GABRA1: variants seen among roughly 807,000 people sequenced by gnomAD.
GABRA1 encodes gamma-aminobutyric acid receptor subunit alpha-1.
GABRA1 carries 9 observed loss-of-function variants against 48.9 expected under a neutral mutation model. That is an observed-to-expected ratio of 0.18 (90% CI 0.11 to 0.32). GABRA1 has a LOEUF of 0.32. GABRA1 is among the 10% of genes least tolerant of loss of function. The pLI, the probability that GABRA1 is intolerant of heterozygous loss-of-function variation, is 1.00. For synonymous variants in GABRA1, 210 were observed against 198.7 expected, an observed-to-expected ratio of 1.06 and a Z score of -0.48; for missense variants, 285 against 553.8, an observed-to-expected ratio of 0.51 and a Z score of 4.87.
chr5:161,859,978 T>C (rs1237499515), intron 3 of GABRA1, among the ~76,000 whole-genome samples: 1 of 151,848 alleles, frequency 6.6e-6, no homozygotes, highest in Non-Finnish European at 1.5e-5. Context: ...GTTTTCTCTG[T>C]GGCTTTTAAT....
chr5:161,874,088 T>C (rs1380325495), intron 5 of GABRA1, among the ~76,000 whole-genome samples: 1 of 151,852 alleles, frequency 6.6e-6, no homozygotes, highest in Non-Finnish European at 1.5e-5. Context: ...AGATGACTTG[T>C]TAGATACGAG....
intron 6 of GABRA1, among the ~76,000 whole-genome samples, chr5:161,881,514 T>C (rs1314167515): frequency 6.6e-6 from 1 of 152,158 alleles, no homozygotes; most frequent in African/African-American, 2.4e-5. Context: ...AGTGATAGAA[T>C]GTAACTCATC....
chr5:161,881,540 T>A (rs987964854), intron 6 of GABRA1, among the ~76,000 whole-genome samples: 2 of 152,158 alleles, frequency 1.3e-5, no homozygotes, highest in Admixed American at 6.6e-5. Context: ...GGAAAATATC[T>A]ATAAGAAGGA....
intron 6 of GABRA1, among the ~76,000 whole-genome samples, chr5:161,878,618 T>A (rs1377951531): frequency 6.6e-6 from 1 of 152,174 alleles, no homozygotes; most frequent in Non-Finnish European, 1.5e-5. Context: ...TCTATTAGAT[T>A]CTGATTGTTA....
chr5:161,851,194 T>C (rs1757433958), intron 2 of GABRA1, among the ~76,000 whole-genome samples: 1 of 152,114 alleles, frequency 6.6e-6, no homozygotes, highest in Non-Finnish European at 1.5e-5. Context: ...ATAGAAAAAG[T>C]TACCCCAATT....
intron 6 of GABRA1, chr5:161,882,154 C>G (rs562533041): frequency 4.6e-4 from 125 of 270,676 alleles, no homozygotes; most frequent in South Asian, 1.1e-3. Flanking sequence ...AGTCTCCATC[C>G]CTTCATTCTC....
chr5:161,889,757 T>C (rs1190457428), intron 7 of GABRA1, among the ~76,000 whole-genome samples: 5 of 152,040 alleles, frequency 3.3e-5, no homozygotes, highest in Admixed American at 3.3e-4. Flanking sequence ...TACTGGCCTC[T>C]AGTAAGTAGA....
At chr5:161,849,754 T>C (rs1382546898) in intron 1 of GABRA1, among the ~76,000 whole-genome samples, 1 of 152,228 alleles carries the variant, frequency 6.6e-6, no homozygotes, top group Non-Finnish European at 1.5e-5. Context: ...CTGGAATTAA[T>C]TACAGCACAT....
intron 6 of GABRA1, among the ~76,000 whole-genome samples, chr5:161,877,859 C>G (rs1754430051): frequency 6.6e-6 from 1 of 152,118 alleles, no homozygotes; most frequent in Non-Finnish European, 1.5e-5. Flanking sequence ...TCCCTTGGTT[C>G]TTAGCATGGC....
At chr5:161,863,195 A>T (rs1197929751) in intron 3 of GABRA1, among the ~76,000 whole-genome samples, 1 of 151,898 alleles carries the variant, frequency 6.6e-6, no homozygotes, top group Non-Finnish European at 1.5e-5. Context: ...TGTATATGTA[A>T]AAGTGAGGAT....
chr5:161,883,544 A>C (rs1581207967), intron 7 of GABRA1, among the ~76,000 whole-genome samples: 1 of 152,302 alleles, frequency 6.6e-6, no homozygotes, highest in African/African-American at 2.4e-5. Context: ...AGAAAAATAC[A>C]TGCCCCACAA....
chr5:161,869,946 A>G (rs1754034928), intron 4 of GABRA1, among the ~76,000 whole-genome samples: 1 of 152,158 alleles, frequency 6.6e-6, no homozygotes, highest in Non-Finnish European at 1.5e-5. Context: ...TCTAAAGAGA[A>G]ACACATTTTC....
chr5:161,849,445 C>T (rs541853557), intron 1 of GABRA1, among the ~76,000 whole-genome samples: 1 of 152,036 alleles, frequency 6.6e-6, no homozygotes. Context: ...GTTTCAAAAC[C>T]AGTCACTAAA....
At chr5:161,853,319 T>C (rs1026480481) in intron 2 of GABRA1, among the ~76,000 whole-genome samples, 15 of 151,808 alleles carry the variant, frequency 9.9e-5, no homozygotes, top group Non-Finnish European at 1.5e-5. Context: ...ACTAGCAACG[T>C]TTAAATATAA....
At chr5:161,881,079 G>T (rs1418887384) in intron 6 of GABRA1, among the ~76,000 whole-genome samples, 1 of 152,116 alleles carries the variant, frequency 6.6e-6, no homozygotes, top group Non-Finnish European at 1.5e-5. Context: ...GATTTCAAAA[G>T]AAATTAAAAT....
chr5:161,848,361 C>G lies in GABRA1; in HGVS notation c.-77C>G, dbSNP rs1005461932. The G allele has an allele frequency of 6.6e-6, 1 of 152,534 alleles. No individual in the cohort carries two copies. The highest frequency in any genetic ancestry group is 2.1e-4 in the South Asian group (1 of 4,854). 9.4% of individuals were successfully genotyped at this position (152,534 alleles called of 1,614,324 possible). A position where few individuals can be genotyped will look rare whatever the true frequency, so the allele number is the denominator to read the frequency against. Reference sequence around the variant, plus strand: ...ACTCGCGCTGGCTCCAGTCTCTCCACGATTCTCTCTCCCAGACTTTTCCCC... The same window carrying G: ...ACTCGCGCTGGCTCCAGTCTCTCCAGGATTCTCTCTCCCAGACTTTTCCCC... On this transcript the variant is annotated 5_prime_UTR_variant, in exon 1 of 10. Coordinates refer to ENST00000393943, the MANE Select transcript of GABRA1 (RefSeq NM_001127644.2).
intron 1 of GABRA1, among the ~76,000 whole-genome samples, chr5:161,849,528 A>G (rs1757355680): frequency 6.6e-6 from 1 of 152,170 alleles, no homozygotes; most frequent in African/African-American, 2.4e-5. Context: ...TAAACATATT[A>G]TGTTTCATTG....
chr5:161,880,871 G>A (rs759759774), intron 6 of GABRA1, among the ~76,000 whole-genome samples: 1 of 152,160 alleles, frequency 6.6e-6, no homozygotes, highest in East Asian at 1.9e-4. Flanking sequence ...TGGGGAAAAT[G>A]TGTATTGGAC....
chr5:161,857,533 A>G (rs1462176741), intron 3 of GABRA1, among the ~76,000 whole-genome samples: 1 of 151,614 alleles, frequency 6.6e-6, no homozygotes, highest in Non-Finnish European at 1.5e-5. Flanking sequence ...CTTTTCAGGG[A>G]TAAGAGCAAC....
Sources: gnomAD v4.1 joint callset for allele counts (sites outside exome capture counted in the v4.1 genomes callset) on GRCh38, gnomAD v4.1.1 for gene constraint, MANE v1.5 for transcripts, NCBI Gene and HGNC (gene_info 2026-07-23, HGNC 2026-07-21) for gene names.